Variants in ADAMTS17 observed in about 807,000 individuals in gnomAD.
ADAMTS17 encodes the protein ADAM metallopeptidase with thrombospondin type 1 motif 17, also known as A disintegrin and metalloproteinase with thrombospondin motifs 17.
In ADAMTS17, 113 loss-of-function variants were observed where a neutral mutation model predicts 141.5. The observed-to-expected ratio is 0.80, with a 90% CI of 0.69 to 0.93. The LOEUF (loss-of-function observed/expected upper bound fraction) is 0.93, where lower values mean the gene tolerates loss of function less well. Ranked by LOEUF, ADAMTS17 falls within the 40% of genes least tolerant of loss-of-function variation. ADAMTS17 has a pLI of 0.00. For missense variants in ADAMTS17, 1,659 were observed against 1,517.9 expected (o/e 1.09, Z -1.54); for synonymous variants, 768 against 630.6 (o/e 1.22, Z -3.27).
At chr15:100,079,635 C>A (rs1289231385) in intron 15 of ADAMTS17, among the ~76,000 whole-genome samples, 1 of 152,190 alleles carries the variant, frequency 6.6e-6, no homozygotes, top group African/African-American at 2.4e-5. Context: ...AGCCAGCAAC[C>A]TGGTGGCAAG....
At chr15:100,229,866 A>G (rs997400092) in intron 7 of ADAMTS17, among the ~76,000 whole-genome samples, 1 of 152,246 alleles carries the variant, frequency 6.6e-6, no homozygotes, top group Non-Finnish European at 1.5e-5. Flanking sequence ...ACACAGAGCC[A>G]AGATGAAAGG....
intron 3 of ADAMTS17, among the ~76,000 whole-genome samples, chr15:100,323,597 T>G (rs2045802266): frequency 6.6e-6 from 1 of 151,208 alleles, no homozygotes; most frequent in African/African-American, 2.4e-5. Context: ...GCAATAGGAA[T>G]AAACCTAGAG....
At chr15:100,312,220 T>C (rs1425801010) in intron 3 of ADAMTS17, among the ~76,000 whole-genome samples, 1 of 152,206 alleles carries the variant, frequency 6.6e-6, no homozygotes, top group African/African-American at 2.4e-5. Context: ...GTGGCTTTGA[T>C]GGGTCTTTAG....
At chr15:100,090,084 C>T (rs1048230244) in intron 15 of ADAMTS17, among the ~76,000 whole-genome samples, 4 of 151,476 alleles carry the variant, frequency 2.6e-5, no homozygotes, top group African/African-American at 9.7e-5. Flanking sequence ...AAATTCTGGC[C>T]ACAAGAAAAC....
intron 15 of ADAMTS17, among the ~76,000 whole-genome samples, chr15:100,084,539 G>A (rs1380351234): frequency 6.6e-6 from 1 of 152,228 alleles, no homozygotes; most frequent in Non-Finnish European, 1.5e-5. Flanking sequence ...CAGGCAGACT[G>A]CCTCCTCAAG....
intron 20 of ADAMTS17, chr15:99,976,589 G>C (rs71405352): frequency 2.5e-6 from 1 of 396,598 alleles, no homozygotes; most frequent in Non-Finnish European, 4.8e-6. Flanking sequence ...TGGAGCCGTG[G>C]AGGTGGGTGG....
chr15:100,090,912 G>A (rs756080837), intron 15 of ADAMTS17, among the ~76,000 whole-genome samples: 2 of 150,794 alleles, frequency 1.3e-5, no homozygotes, highest in Non-Finnish European at 2.9e-5. Flanking sequence ...GGAGGCTGAG[G>A]CGGGGGAATA....
chr15:99,995,854 G>A (rs1200835299), intron 19 of ADAMTS17, among the ~76,000 whole-genome samples: 1 of 152,212 alleles, frequency 6.6e-6, no homozygotes, highest in Non-Finnish European at 1.5e-5. Context: ...CTAAGCCAGA[G>A]TTAGGCTGAC....
chr15:100,054,122 C>A lies in ADAMTS17; in HGVS notation c.2138-68G>T, dbSNP rs184544101. The A allele has an allele frequency of 6.2e-5, 98 of 1,590,106 alleles. No individual in the cohort carries two copies. The South Asian group carries it at 1.0e-3, about 17-fold the overall frequency. On this transcript the variant is annotated intron_variant, in intron 15 of 21. Coordinates refer to ENST00000268070, the MANE Select transcript of ADAMTS17 (RefSeq NM_139057.4). ...TAGGGGGATCCAGCCTGTCTTTAAA[C>A]GGAATCTACAGCCCCTGAGTGGGGC...
At chr15:100,154,170 G>A (rs1326763363) in intron 9 of ADAMTS17, among the ~76,000 whole-genome samples, 2 of 152,174 alleles carry the variant, frequency 1.3e-5, no homozygotes, top group African/African-American at 4.8e-5. Context: ...GACAGAGTGA[G>A]ACTCCATCTC....
At chr15:100,271,288 A>G (rs1214934347) in intron 4 of ADAMTS17, among the ~76,000 whole-genome samples, 1 of 152,354 alleles carries the variant, frequency 6.6e-6, no homozygotes. Context: ...TTGCTAGATC[A>G]TATGGTAATT....
At chr15:100,189,451 G>T (rs896411215) in intron 8 of ADAMTS17, among the ~76,000 whole-genome samples, 3 of 152,206 alleles carry the variant, frequency 2.0e-5, no homozygotes, top group African/African-American at 7.2e-5. Context: ...TCATCACAGA[G>T]CATGTGCCAC....
intron 14 of ADAMTS17, among the ~76,000 whole-genome samples, chr15:100,105,436 C>A (rs955651364): frequency 6.6e-6 from 1 of 152,138 alleles, no homozygotes; most frequent in African/African-American, 2.4e-5. Flanking sequence ...ACAGGCTGGT[C>A]CTGGGGATGG....
rs552554457 is a variant in ADAMTS17 at position 100,075,793 on chromosome 15, A to G, written c.2137+20563T>C. ...TGCTCATTTGATCTTTTATCCTGGG[A>G]CTTTTTGTTTATTTCCATTTTCCAC... On this transcript the variant is annotated intron_variant, in intron 15 of 21. Transcript: ENST00000268070. 2.6e-5 allele frequency among the ~76,000 whole-genome samples: 4 copies of G among 151,802 alleles called. No individual in the cohort carries two copies. The East Asian group carries it at 7.8e-4, about 29-fold the overall frequency.
rs117941863 is a variant in ADAMTS17, at chr15:100,317,084, C to T, written c.616+13805G>A. Among the ~76,000 whole-genome samples the T allele has an allele frequency of 4.3e-4, 65 of 152,296 alleles. 1 individual carries two copies. In the East Asian group the frequency reaches 0.012, roughly 27 times the overall value. ...CCAAAGGGTAATTACGAATTATCAG[C>T]ACAACACCCCTTCCTAAAGGGTAAG... On this transcript the variant is annotated intron_variant, in intron 3 of 21. Coordinates refer to ENST00000268070, the MANE Select transcript of ADAMTS17 (RefSeq NM_139057.4).
intron 6 of ADAMTS17, among the ~76,000 whole-genome samples, chr15:100,256,070 G>A (rs2043316692): frequency 6.6e-6 from 1 of 152,218 alleles, no homozygotes; most frequent in East Asian, 1.9e-4. Context: ...CTGCCTGCAG[G>A]GGCTGCTTTA....
At chr15:100,166,427 T>C (rs2039954551) in intron 8 of ADAMTS17, among the ~76,000 whole-genome samples, 1 of 152,234 alleles carries the variant, frequency 6.6e-6, no homozygotes, top group Non-Finnish European at 1.5e-5. Context: ...TAATATTAAA[T>C]ATCAGTTACA....
chr15:100,295,700 G>T (rs1007321087), intron 3 of ADAMTS17, among the ~76,000 whole-genome samples: 14 of 152,206 alleles, frequency 9.2e-5, no homozygotes, highest in African/African-American at 3.4e-4. Context: ...CTCTTTGCTC[G>T]TGCAGACACT....
chr15:100,232,992 T>C (rs2042535344), intron 7 of ADAMTS17, among the ~76,000 whole-genome samples: 1 of 152,144 alleles, frequency 6.6e-6, no homozygotes, highest in African/African-American at 2.4e-5. Context: ...GGGTTGAATC[T>C]GAGGTTCCTC....
Sources: gnomAD v4.1 joint callset for allele counts (sites outside exome capture counted in the v4.1 genomes callset) on GRCh38, gnomAD v4.1.1 for gene constraint, MANE v1.5 for transcripts, NCBI Gene and HGNC (gene_info 2026-07-23, HGNC 2026-07-21) for gene names.